The following SOX5 variants were observed in gnomAD, a reference collection of about 807,000 sequenced individuals.
The protein encoded by SOX5 is SRY-box transcription factor 5.
A neutral mutation model predicts 92.0 loss-of-function variants in SOX5; 9 were observed. The observed-to-expected ratio is 0.10, with a 90% CI of 0.06 to 0.17. SOX5 has a LOEUF of 0.17. Ranked by LOEUF, SOX5 falls within the 10% of genes least tolerant of loss-of-function variation. The pLI is 1.00. For synonymous variants in SOX5, 344 were observed against 336.3 expected (o/e 1.02, Z -0.25); for missense variants, 642 against 944.5 (o/e 0.68, Z 4.20).
intron 1 of SOX5, among the ~76,000 whole-genome samples, chr12:24,552,422 A>G (rs950579006): frequency 6.6e-6 from 1 of 152,220 alleles, no homozygotes; most frequent in Non-Finnish European, 1.5e-5. Context: ...GGGTTACAGC[A>G]CTACACCTAC....
At chr12:23,600,299 A>G (rs1193346265) in intron 9 of SOX5, among the ~76,000 whole-genome samples, 1 of 152,080 alleles carries the variant, frequency 6.6e-6, no homozygotes, top group Non-Finnish European at 1.5e-5. Flanking sequence ...GAGCTAGAAT[A>G]ATATCTGCGA....
chr12:24,124,889 G>A (rs1214968257), intron 4 of SOX5, among the ~76,000 whole-genome samples: 1 of 152,166 alleles, frequency 6.6e-6, no homozygotes, highest in Non-Finnish European at 1.5e-5. Flanking sequence ...ACATTCGTGT[G>A]TAAAACAGGG....
chr12:23,732,571 TC>T (rs1381231978), intron 6 of SOX5, among the ~76,000 whole-genome samples: 1 of 152,182 alleles, frequency 6.6e-6, no homozygotes, highest in African/African-American at 2.4e-5. Flanking sequence ...CTGCACTAAC[TC>T]TAGAAAGAAG....
chr12:23,558,384 G>A (rs1350111446), intron 11 of SOX5, among the ~76,000 whole-genome samples: 1 of 152,144 alleles, frequency 6.6e-6, no homozygotes, highest in Non-Finnish European at 1.5e-5. Context: ...AAATACCCCC[G>A]TATGAATGAA....
chr12:23,802,272 G>A (rs1323592977), intron 3 of SOX5, among the ~76,000 whole-genome samples: 1 of 151,936 alleles, frequency 6.6e-6, no homozygotes, highest in African/African-American at 2.4e-5. Flanking sequence ...AGTAGAGACG[G>A]GGTTTCACCT....
chr12:23,566,704 ACACT>A (rs1387475705), intron 10 of SOX5, among the ~76,000 whole-genome samples: 2 of 152,240 alleles, frequency 1.3e-5, no homozygotes, highest in Non-Finnish European at 2.9e-5. Flanking sequence ...AATAGGGATA[ACACT>A]CACTAGATAA....
rs1406430392 is a variant in SOX5 at position 24,263,538 on chromosome 12, A to AAAG, written c.-77+13677_-77+13678insCTT. 6.7e-4 allele frequency among the ~76,000 whole-genome samples: 92 copies of AAAG among 137,520 alleles called. 4 individuals are homozygous for AAAG. Among genetic ancestry groups the AAAG allele is most frequent in the African/African-American group, 2.5e-3 (91 of 36,174 alleles). The allele number at this position is 137,520 out of a possible 152,430, so 90.2% of individuals were successfully genotyped here. A position where few individuals can be genotyped will look rare whatever the true frequency, so the allele number is the denominator to read the frequency against. ...GCGAGACTCCGTCTCAAAAAAAAAA[A>AAAG]AACAAAAAAAAAAACAAAAACAAGA... On this transcript the variant is annotated intron_variant, in intron 3 of 4. Transcript: ENST00000446891.
In SOX5 at chr12:24,361,632, T is replaced by C. The variant is rs78783411; in HGVS notation, c.-174+6931A>G. 8.6e-3 allele frequency among the ~76,000 whole-genome samples: 1,282 copies of C among 149,602 alleles called. 25 individuals carry two copies. Among genetic ancestry groups the C allele is most frequent in the African/African-American group, 0.027 (1,092 of 40,738 alleles). On this transcript the variant is annotated intron_variant, in intron 2 of 4. Coordinates refer to the SOX5 transcript ENST00000446891. Reference sequence around the variant, plus strand: ...GGTTTTGTGTGTGTGTGTGTGTGTGTGCGCATGTGTGTGTGCGCATGCACG... The same window carrying C: ...GGTTTTGTGTGTGTGTGTGTGTGTGCGCGCATGTGTGTGTGCGCATGCACG...
At chr12:24,531,137 A>G (rs2138650833) in intron 1 of SOX5, among the ~76,000 whole-genome samples, 1 of 152,322 alleles carries the variant, frequency 6.6e-6, no homozygotes, top group African/African-American at 2.4e-5. Context: ...AAGAGCCAAA[A>G]AATAAACTCA....
chr12:23,786,068 A>G (rs977637114), intron 3 of SOX5, among the ~76,000 whole-genome samples: 15 of 151,938 alleles, frequency 9.9e-5, no homozygotes, highest in African/African-American at 3.6e-4. Flanking sequence ...CTAGTTATCA[A>G]TTCAGTGCTT....
rs1320106091 is a variant in SOX5 at position 23,909,822 on chromosome 12, A to G, written c.39-13798T>C. 2.6e-5 allele frequency among the ~76,000 whole-genome samples: 3 copies of G among 115,648 alleles called. No individual in the cohort carries two copies. The Admixed American group carries it at 2.8e-4, about 11-fold the overall frequency. 75.9% of individuals were successfully genotyped at this position (115,648 alleles called of 152,430 possible). A position where few individuals can be genotyped will look rare whatever the true frequency, so the allele number is the denominator to read the frequency against. Reference sequence around the variant, plus strand: ...TTCTTTTTTTTTTAACCTCATTACCACATGCTAGAACATTTTTTTTCCACT... The same window carrying G: ...TTCTTTTTTTTTTAACCTCATTACCGCATGCTAGAACATTTTTTTTCCACT... On this transcript the variant is annotated intron_variant, in intron 1 of 14. Transcript: ENST00000451604.
chr12:24,388,814 T>C (rs1453009548), intron 1 of SOX5, among the ~76,000 whole-genome samples: 1 of 152,102 alleles, frequency 6.6e-6, no homozygotes. Flanking sequence ...ACTTTCTGTC[T>C]CTATATATTT....
chr12:24,128,782 A>T (rs771399337), intron 4 of SOX5, among the ~76,000 whole-genome samples: 1 of 152,192 alleles, frequency 6.6e-6, no homozygotes, highest in African/African-American at 2.4e-5. Flanking sequence ...GAATAACATG[A>T]TATGATTATA....
intron 7 of SOX5, among the ~76,000 whole-genome samples, chr12:23,657,647 G>T (rs1208068265): frequency 6.6e-6 from 1 of 152,088 alleles, no homozygotes; most frequent in African/African-American, 2.4e-5. Flanking sequence ...GATGAACTTA[G>T]TCTGTTACTG....
At chr12:24,072,269 A>C (rs745619903) in intron 4 of SOX5, among the ~76,000 whole-genome samples, 2 of 152,252 alleles carry the variant, frequency 1.3e-5, no homozygotes, top group Non-Finnish European at 2.9e-5. Flanking sequence ...TTTCATTGGC[A>C]AGATAAGAAT....
chr12:24,044,605 T>C (rs1407924336), intron 4 of SOX5, among the ~76,000 whole-genome samples: 1 of 152,224 alleles, frequency 6.6e-6, no homozygotes, highest in African/African-American at 2.4e-5. Context: ...AAATGTTAAG[T>C]CGTATTTTAT....
In SOX5 at chr12:24,380,029, G is replaced by A. The variant is rs896105226; in HGVS notation, c.-250-11390C>T. Among the ~76,000 whole-genome samples, 4 of 152,080 alleles carry A rather than the reference G, an allele frequency of 2.6e-5. No individual in the cohort carries two copies. The East Asian group carries it at 5.8e-4, about 22-fold the overall frequency. ...TGCATCCAAGTGAAAAGAATATAGG[G>A]GCATAGTAGCCTATACACCAGTGAA... On this transcript the variant is annotated intron_variant, in intron 1 of 4. Coordinates refer to the SOX5 transcript ENST00000446891.
At chr12:23,736,841 C>T (rs571908349) in intron 5 of SOX5, among the ~76,000 whole-genome samples, 5 of 151,956 alleles carry the variant, frequency 3.3e-5, no homozygotes, top group African/African-American at 1.2e-4. Flanking sequence ...CAGGCATGCA[C>T]CACCATGCCT....
chr12:24,164,301 T>C (rs1266909035), intron 4 of SOX5, among the ~76,000 whole-genome samples: 3 of 152,110 alleles, frequency 2.0e-5, no homozygotes, highest in African/African-American at 7.2e-5. Context: ...GTTAAAGCTT[T>C]CTTCCTTAAA....
Sources: allele counts gnomAD v4.1 joint callset (sites outside exome capture counted in the v4.1 genomes callset), GRCh38; gene constraint gnomAD v4.1.1; transcripts MANE v1.5; gene names NCBI Gene and HGNC (gene_info 2026-07-23, HGNC 2026-07-21).